The following VWC2 variants were observed in gnomAD, a reference collection of about 807,000 sequenced individuals.
VWC2 encodes brorin.
VWC2 carries 14 observed loss-of-function variants against 29.8 expected under a neutral mutation model. The ratio of observed to expected loss-of-function variants is 0.47; its 90% CI spans 0.31 to 0.74. The LOEUF (loss-of-function observed/expected upper bound fraction) is 0.74, where lower values mean the gene tolerates loss of function less well. Among genes scored for constraint, VWC2 ranks in the 30% least tolerant of loss-of-function variants. The probability of loss-of-function intolerance (pLI) is 0.05; values close to 1 mark genes in which losing one functional copy is unlikely to be tolerated. For missense variants in VWC2, 457 were observed against 459.8 expected (o/e 0.99, Z 0.05); for synonymous variants, 213 against 199.0 (o/e 1.07, Z -0.59).
chr7:49,795,063 A>G (rs1202038401), intron 2 of VWC2, among the ~76,000 whole-genome samples: 3 of 152,072 alleles, frequency 2.0e-5, no homozygotes, highest in East Asian at 1.9e-4. Flanking sequence ...GTATTTCTTT[A>G]TATCTCTCCT....
Position 49,776,018 on chromosome 7 carries a change from C to G in VWC2, c.583C>G (p.Leu195Val), listed in dbSNP as rs1403230127. Residue 195 changes from leucine (L) to valine (V), a missense_variant, in exon 2 of 4, where the codon CTG (leucine) becomes GTG (valine). This residue lies in a region of VWC2 where 185 missense variants were observed against 257.1 expected (regional missense o/e 0.72). Coordinates refer to ENST00000340652, the MANE Select transcript of VWC2 (RefSeq NM_198570.5). ...PLCAQPECPR[L>V]HPRCIHVDTS... ...GTGCGCGCAGCCCGAGTGCCCGAGG[C>G]TGCACCCGCGCTGCATCCACGTCGA... The G allele has an allele frequency of 3.2e-6, 5 of 1,545,072 alleles. No homozygotes were observed. The highest frequency in any genetic ancestry group is 2.7e-5 in the African/African-American group (2 of 73,268).
intron 2 of VWC2, among the ~76,000 whole-genome samples, chr7:49,782,690 GAA>G (rs149219445): frequency 6.2e-5 from 8 of 128,824 alleles, no homozygotes; most frequent in Admixed American, 8.1e-5. Flanking sequence ...ACAACAAATT[GAA>G]AAAAAAAAAA....
intron 3 of VWC2, among the ~76,000 whole-genome samples, chr7:49,875,387 A>C (rs1376203975): frequency 1.3e-5 from 2 of 149,840 alleles, no homozygotes; most frequent in Admixed American, 6.7e-5. Context: ...AAAAAAAAAA[A>C]AAAAAAAAAA....
At chr7:49,798,255 G>C (rs1788643799) in intron 2 of VWC2, among the ~76,000 whole-genome samples, 1 of 152,196 alleles carries the variant, frequency 6.6e-6, no homozygotes, top group East Asian at 1.9e-4. Context: ...CAGGTCAAGG[G>C]ACAGGCAAAT....
intron 3 of VWC2, among the ~76,000 whole-genome samples, chr7:49,887,416 T>C (rs942747772): frequency 3.9e-5 from 6 of 152,260 alleles, no homozygotes; most frequent in Non-Finnish European, 8.8e-5. Flanking sequence ...GACATCACTT[T>C]GGACTGATTT....
intron 2 of VWC2, among the ~76,000 whole-genome samples, chr7:49,778,385 C>A (rs1583618581): frequency 6.6e-6 from 1 of 152,210 alleles, no homozygotes; most frequent in East Asian, 1.9e-4. Flanking sequence ...AAACTTTCAT[C>A]ATTTATTACC....
In VWC2 at chr7:49,803,777, G is replaced by A. The variant is rs540547655; in HGVS notation, c.826+937G>A. On this transcript the variant is annotated intron_variant, in intron 3 of 3. Transcript: ENST00000340652. ...ATGGTGACACAGGGGTGGTCATGGTGCTCAGACAATTCCCAGAGTCTGTCA... is the reference window on the plus strand; with the variant it reads ...ATGGTGACACAGGGGTGGTCATGGTACTCAGACAATTCCCAGAGTCTGTCA... Among the ~76,000 whole-genome samples, 6 of 152,274 alleles carry A rather than the reference G, an allele frequency of 3.9e-5. 1 individual carries two copies. The highest frequency in any genetic ancestry group is 1.4e-4 in the African/African-American group (6 of 41,552).
chr7:49,846,647 G>C (rs1184230198), intron 3 of VWC2, among the ~76,000 whole-genome samples: 1 of 152,124 alleles, frequency 6.6e-6, no homozygotes, highest in Non-Finnish European at 1.5e-5. Flanking sequence ...TTTCCTGCAT[G>C]AAACTGTGAG....
intron 3 of VWC2, among the ~76,000 whole-genome samples, chr7:49,881,226 G>T (rs1478890238): frequency 2.0e-5 from 3 of 152,078 alleles, no homozygotes; most frequent in African/African-American, 7.2e-5. Context: ...GTCCTGTTCA[G>T]GTTGCCTCAG....
At chr7:49,780,407 T>G (rs1788148169) in intron 2 of VWC2, among the ~76,000 whole-genome samples, 1 of 152,210 alleles carries the variant, frequency 6.6e-6, no homozygotes, top group East Asian at 1.9e-4. Context: ...GCAAATCACA[T>G]TTGAAATGTG....
chr7:49,785,818 G>A (rs187417784), intron 2 of VWC2, among the ~76,000 whole-genome samples: 4 of 152,234 alleles, frequency 2.6e-5, no homozygotes, highest in Non-Finnish European at 4.4e-5. Context: ...ATACAATAGA[G>A]AGCTGACCAC....
In VWC2 at chr7:49,793,140, A is replaced by C. The variant is rs373519605; in HGVS notation, c.697-9571A>C. Among the ~76,000 whole-genome samples the C allele has an allele frequency of 1.3e-3, 191 of 152,274 alleles. 1 individual carries two copies. Among genetic ancestry groups the C allele is most frequent in the African/African-American group, 4.5e-3 (185 of 41,550 alleles). ...CCTCCATCAGATGGCTACTGGTTGG[A>C]GGTGATCAGTGGGATTTGGAATATT... On this transcript the variant is annotated intron_variant, in intron 2 of 3. Coordinates refer to ENST00000340652, the MANE Select transcript of VWC2 (RefSeq NM_198570.5).
At chr7:49,829,970 C>G (rs189018998) in intron 3 of VWC2, among the ~76,000 whole-genome samples, 1 of 152,156 alleles carries the variant, frequency 6.6e-6, no homozygotes, top group Admixed American at 6.5e-5. Context: ...TTTTTTCAGT[C>G]GTACTCAGAT....
chr7:49,784,161 G>C (rs1788244238), intron 2 of VWC2, among the ~76,000 whole-genome samples: 1 of 152,144 alleles, frequency 6.6e-6, no homozygotes, highest in Non-Finnish European at 1.5e-5. Context: ...TTATTACATG[G>C]ATACACTGCG....
intron 3 of VWC2, among the ~76,000 whole-genome samples, chr7:49,860,274 C>T (rs1169458017): frequency 6.6e-6 from 1 of 152,176 alleles, no homozygotes; most frequent in African/African-American, 2.4e-5. Flanking sequence ...ACGTCAGGCT[C>T]ATGGTAAATT....
intron 3 of VWC2, among the ~76,000 whole-genome samples, chr7:49,823,829 A>G (rs1308595639): frequency 6.6e-6 from 1 of 152,180 alleles, no homozygotes; most frequent in Non-Finnish European, 1.5e-5. Flanking sequence ...GCACCTTAAT[A>G]TGCATTTCCA....
At chr7:49,858,387 G>A (rs112578602) in intron 3 of VWC2, among the ~76,000 whole-genome samples, 2 of 152,218 alleles carry the variant, frequency 1.3e-5, no homozygotes, top group Non-Finnish European at 2.9e-5. Context: ...AAAAAAGGAT[G>A]AGTTCATGTC....
At chr7:49,831,632 G>C (rs1352960801) in intron 3 of VWC2, among the ~76,000 whole-genome samples, 1 of 152,216 alleles carries the variant, frequency 6.6e-6, no homozygotes, top group Non-Finnish European at 1.5e-5. Context: ...ACAATTTCCA[G>C]GTACTGGAGG....
chr7:49,806,088 T>C (rs1235050474), intron 3 of VWC2, among the ~76,000 whole-genome samples: 1 of 151,142 alleles, frequency 6.6e-6, no homozygotes, highest in Non-Finnish European at 1.5e-5. Context: ...ATTATTTGTT[T>C]TTAAATTCCA....
Sources: gnomAD v4.1 joint callset for allele counts (sites outside exome capture counted in the v4.1 genomes callset) on GRCh38, gnomAD v4.1.1 for gene constraint, gnomAD v4.1.1 regional missense constraint, MANE v1.5 for transcripts, NCBI Gene and HGNC (gene_info 2026-07-23, HGNC 2026-07-21) for gene names.